RIN2: variants seen among roughly 807,000 people sequenced by gnomAD.
RIN2 encodes RAB5 interacting protein 2.
In RIN2, 36 loss-of-function variants were observed where a neutral mutation model predicts 78.0. The ratio of observed to expected loss-of-function variants is 0.46; its 90% confidence interval spans 0.35 to 0.61. The LOEUF is 0.61. Ranked by LOEUF, RIN2 falls within the 20% of genes least tolerant of loss-of-function variation. The probability of loss-of-function intolerance (pLI) is 0.00; values close to 1 mark genes in which losing one functional copy is unlikely to be tolerated. For missense variants in RIN2, 1,087 were observed against 1,159.7 expected, an observed-to-expected ratio of 0.94 and a Z score of 0.91; for synonymous variants, 466 against 466.8, an observed-to-expected ratio of 1.00 and a Z score of 0.02.
intron 1 of RIN2, among the ~76,000 whole-genome samples, chr20:19,770,290 G>T (rs1052350122): frequency 2.6e-5 from 4 of 152,228 alleles, no homozygotes; most frequent in African/African-American, 9.6e-5. Context: ...AAGGAACTAT[G>T]CAATTAAGGA....
intron 4 of RIN2, chr20:19,935,544 T>C (rs1387459423): frequency 9.6e-7 from 1 of 1,036,726 alleles, no homozygotes; most frequent in African/African-American, 1.7e-5. Context: ...AGTGTAGCCG[T>C]GTGAGTCTCC....
At chr20:19,918,427 C>G (rs2039775249) in intron 3 of RIN2, among the ~76,000 whole-genome samples, 1 of 150,996 alleles carries the variant, frequency 6.6e-6, no homozygotes, top group Non-Finnish European at 1.5e-5. Flanking sequence ...ATGAGATCAA[C>G]AGGACATTAA....
At chr20:19,949,032 C>A (rs1478141679) in intron 4 of RIN2, among the ~76,000 whole-genome samples, 5 of 149,382 alleles carry the variant, frequency 3.3e-5, no homozygotes, top group African/African-American at 1.2e-4. Context: ...GTAATCCCAG[C>A]ACTTTGGGAG....
rs531782263 is a variant in RIN2 at position 19,964,222 on chromosome 20, C to G, written c.464-730C>G. ...ACTGGAGCAGGGGTGGAGGGGGGAACAACACTCCAAGTAAATGGGTTTTAG... is the reference window on the plus strand; with the variant it reads ...ACTGGAGCAGGGGTGGAGGGGGGAAGAACACTCCAAGTAAATGGGTTTTAG... On this transcript the variant is annotated intron_variant, in intron 6 of 12. Transcript: ENST00000255006. Among the ~76,000 whole-genome samples, 39 of 148,210 alleles carry G rather than the reference C, an allele frequency of 2.6e-4. No homozygotes were observed. In the South Asian group the frequency reaches 8.3e-3, roughly 32 times the overall value.
In RIN2 at chr20:19,992,305, T is replaced by C. The variant is rs1424146662; in HGVS notation, c.2200+6T>C. ...ATCGCTGTTACATGGAGAAGGTAAC[T>C]GCTTTTGAGAAAAGTTGAAGGAACT... On this transcript the variant is annotated splice_donor_region_variant and intron_variant, in intron 11 of 12. Transcript: ENST00000255006. 3.2e-6 allele frequency: 5 copies of C among 1,548,974 alleles called. No individual in the cohort carries two copies. The highest frequency in any genetic ancestry group is 4.4e-6 in the Non-Finnish European group (5 of 1,145,922).
chr20:19,987,954 A>G (rs998288782), intron 9 of RIN2, among the ~76,000 whole-genome samples: 6 of 152,140 alleles, frequency 3.9e-5, no homozygotes, highest in Non-Finnish European at 7.4e-5. Flanking sequence ...GTCAGCGTTA[A>G]CTTTTGGCCT....
intron 3 of RIN2, among the ~76,000 whole-genome samples, chr20:19,930,196 G>A (rs781760816): frequency 2.0e-5 from 3 of 152,174 alleles, no homozygotes; most frequent in Non-Finnish European, 4.4e-5. Context: ...GTCCACCCTC[G>A]TGCCTTGGGG....
At chr20:19,826,431 G>T (rs1253538842) in intron 2 of RIN2, among the ~76,000 whole-genome samples, 1 of 152,158 alleles carries the variant, frequency 6.6e-6, no homozygotes, top group Non-Finnish European at 1.5e-5. Flanking sequence ...ATTCCCTGGG[G>T]TGGCCCTTCC....
chr20:19,772,342 C>T (rs888187970), intron 1 of RIN2, among the ~76,000 whole-genome samples: 5 of 152,196 alleles, frequency 3.3e-5, no homozygotes, highest in Non-Finnish European at 2.9e-5. Context: ...CGTTGTACCA[C>T]TCTAGCCAGG....
chr20:19,861,265 C>T (rs1429950485), intron 2 of RIN2, among the ~76,000 whole-genome samples: 1 of 152,180 alleles, frequency 6.6e-6, no homozygotes, highest in Admixed American at 6.5e-5. Context: ...GTTTCCATGA[C>T]CCTCCAACCT....
At chr20:19,918,942 G>A (rs932385389) in intron 3 of RIN2, among the ~76,000 whole-genome samples, 1 of 152,350 alleles carries the variant, frequency 6.6e-6, no homozygotes, top group Admixed American at 6.5e-5. Context: ...ATGTGTGGGA[G>A]AACAAGGTTG....
At chr20:19,845,507 A>G (rs138395766) in intron 2 of RIN2, among the ~76,000 whole-genome samples, 153 of 150,028 alleles carry the variant, frequency 1.0e-3, no homozygotes, top group Middle Eastern at 3.5e-3. Flanking sequence ...TTTTTTTCAT[A>G]TGTTTGTTGG....
chr20:19,855,543 T>G (rs1328964616), intron 2 of RIN2, among the ~76,000 whole-genome samples: 1 of 152,212 alleles, frequency 6.6e-6, no homozygotes, highest in African/African-American at 2.4e-5. Context: ...TTTGCCATCC[T>G]TTGATGGCAA....
chr20:19,878,126 A>G (rs951622428), intron 2 of RIN2, among the ~76,000 whole-genome samples: 3 of 152,178 alleles, frequency 2.0e-5, no homozygotes, highest in Non-Finnish European at 2.9e-5. Flanking sequence ...ACTTTGTCCT[A>G]TCCTAGCCTC....
At chr20:19,813,293 G>A (rs1037553862) in intron 2 of RIN2, among the ~76,000 whole-genome samples, 1 of 152,216 alleles carries the variant, frequency 6.6e-6, no homozygotes. Flanking sequence ...AATATGAGGT[G>A]GAAAAGAAAG....
chr20:19,758,756 G>T (rs976875581), intron 1 of RIN2, among the ~76,000 whole-genome samples: 4 of 152,218 alleles, frequency 2.6e-5, no homozygotes, highest in Admixed American at 2.0e-4. Context: ...AGGGCTGCCT[G>T]TGGGGTGTCA....
At chr20:19,778,875 C>A (rs2034401894) in intron 1 of RIN2, among the ~76,000 whole-genome samples, 1 of 152,142 alleles carries the variant, frequency 6.6e-6, no homozygotes, top group African/African-American at 2.4e-5. Flanking sequence ...CCTGGCCCCC[C>A]AACCACTACA....
chr20:19,792,551 G>C (rs2034921193), intron 1 of RIN2, among the ~76,000 whole-genome samples: 1 of 152,134 alleles, frequency 6.6e-6, no homozygotes, highest in South Asian at 2.1e-4. Flanking sequence ...CAGGAGCAAG[G>C]GGTGCCTGCC....
intron 3 of RIN2, among the ~76,000 whole-genome samples, chr20:19,920,065 C>A (rs1029569083): frequency 1.3e-5 from 2 of 152,014 alleles, no homozygotes; most frequent in Non-Finnish European, 2.9e-5. Flanking sequence ...GAGGCCGAGG[C>A]GGGCAGATCA....
Sources: gnomAD v4.1 joint callset for allele counts (sites outside exome capture counted in the v4.1 genomes callset) on GRCh38, gnomAD v4.1.1 for gene constraint, MANE v1.5 for transcripts, NCBI Gene and HGNC (gene_info 2026-07-23, HGNC 2026-07-21) for gene names.